The following REN variants were observed in gnomAD, a reference collection of about 807,000 sequenced individuals.
REN encodes the protein angiotensin-forming enzyme.
In REN, 42 loss-of-function variants were observed where a neutral mutation model predicts 48.6. That is an observed-to-expected ratio of 0.86 (90% confidence interval 0.68 to 1.12). The LOEUF (loss-of-function observed/expected upper bound fraction) is 1.12, where lower values mean the gene tolerates loss of function less well. Ranked by LOEUF, REN falls within the 50% of genes most tolerant of loss-of-function variation. REN has a pLI of 0.00. For missense variants in REN, 443 were observed against 527.3 expected, an observed-to-expected ratio of 0.84 and a Z score of 1.57; for synonymous variants, 196 against 204.6, an observed-to-expected ratio of 0.96 and a Z score of 0.36.
rs1173946474 is a variant in REN at position 204,156,021 on chromosome 1, G to A, written c.961-103C>T. On this transcript the variant is annotated intron_variant, in intron 8 of 9. Transcript: ENST00000272190. This position sits in a 1 kb window ranked among gnomAD's most constrained non-coding sequence, Gnocchi z 4.2. ...GGTCTCTCTGCTGGAGAGGGCTGGG[G>A]ACAGTGCCCCGCCCCATGGGTGACC... The A allele has an allele frequency of 1.4e-6, 2 of 1,423,874 alleles. No individual in the cohort carries two copies. Among genetic ancestry groups the A allele is most frequent in the Non-Finnish European group, 9.9e-7 (1 of 1,010,852 alleles). 88.2% of individuals were successfully genotyped at this position (1,423,874 alleles called of 1,614,324 possible).
rs141778396 is a variant in REN, at chr1:204,159,789, G to A, written c.493-194C>T. 1.8e-4 allele frequency among the ~76,000 whole-genome samples: 28 copies of A among 152,316 alleles called. No individual in the cohort carries two copies. In the East Asian group the frequency reaches 5.4e-3, roughly 29 times the overall value. ...ATCTCTGCTGCGGAGCCCAGAGAGA[G>A]CTAGAGTTGACCAGGGATCGGAGAG... On this transcript the variant is annotated intron_variant, in intron 4 of 9. Coordinates refer to ENST00000272190, the MANE Select transcript of REN (RefSeq NM_000537.4).
chr1:204,160,542 T>C lies in REN; in HGVS notation c.492+18A>G. On this transcript the variant is annotated intron_variant, in intron 4 of 9. Transcript: ENST00000272190. ...CAGAAGGGGTCCGGGGCAGATGACCTAGGGCGGCCCAACTTACGGTGATGA... is the reference window on the plus strand; with the variant it reads ...CAGAAGGGGTCCGGGGCAGATGACCCAGGGCGGCCCAACTTACGGTGATGA... 1.3e-6 allele frequency: 2 copies of C among 1,565,640 alleles called. No individual in the cohort carries two copies. Among genetic ancestry groups the C allele is most frequent in the Non-Finnish European group, 1.8e-6 (2 of 1,135,812 alleles).
Position 204,158,840 on chromosome 1 carries a change from T to C in REN, c.689+559A>G, listed in dbSNP as rs184621047. On this transcript the variant is annotated intron_variant, in intron 5 of 9. Transcript: ENST00000272190. ...GGGTAGGGGAGTACAGATTCTGCCT[T>C]GTTCACTGTGTTCACTGCTGCACCC... Among the ~76,000 whole-genome samples, 16 of 152,346 alleles carry C rather than the reference T, an allele frequency of 1.1e-4. No homozygotes were observed. The East Asian group carries it at 2.9e-3, about 28-fold the overall frequency.
In REN at chr1:204,156,285, C is replaced by A; in HGVS notation, c.853G>T (p.Asp285Tyr). 1 of 1,614,200 alleles carries A rather than the reference C, an allele frequency of 6.2e-7. No homozygotes were observed. Among genetic ancestry groups the A allele is most frequent in the Non-Finnish European group, 8.5e-7 (1 of 1,180,048 alleles). The change falls in exon 8 of 10, where the codon GAC (aspartate) becomes TAC (tyrosine). Residue 285 changes from aspartate to tyrosine, a missense_variant. By Grantham distance (160) the Asp-to-Tyr change is radical. Transcript: ENST00000272190. The surrounding 1 kb of genome is among the most constrained non-coding windows in gnomAD (Gnocchi z 4.2). ...SVGSSTLLCE[D>Y]GCLALVDTGA... The stretch of plus-strand genomic sequence containing the variant: ...GTGTCTACCAATGCCAGGCAGCCGT[C>A]TTCACAGAGCAAGGTGGATGACCCC...
chr1:204,156,424 G>T lies in REN; in HGVS notation c.819-105C>A. The T allele has an allele frequency of 2.0e-6, 3 of 1,469,854 alleles. No homozygotes were observed. Among genetic ancestry groups the T allele is most frequent in the Non-Finnish European group, 2.8e-6 (3 of 1,073,688 alleles). 91.1% of individuals were successfully genotyped at this position (1,469,854 alleles called of 1,614,324 possible). A position where few individuals can be genotyped will look rare whatever the true frequency, so the allele number is the denominator to read the frequency against. On this transcript the variant is annotated intron_variant, in intron 7 of 9. Coordinates refer to ENST00000272190, the MANE Select transcript of REN (RefSeq NM_000537.4). The surrounding 1 kb of genome is among the most constrained non-coding windows in gnomAD (Gnocchi z 4.2). ...CCTGAGTGTGGGTGGGTGGGTGGAGGCCACGCTGGTGGCCTGTTGAGGCAG... is the reference window on the plus strand; with the variant it reads ...CCTGAGTGTGGGTGGGTGGGTGGAGTCCACGCTGGTGGCCTGTTGAGGCAG...
chr1:204,157,278 G>A, intron 6 of REN, 83 bp downstream of exon 6: 1 of 1,571,490 alleles, frequency 6.4e-7, no homozygotes, highest in Non-Finnish European at 8.8e-7. Context: ...TGTGAGTTTT[G>A]GGCCGGTGGC....
intron 1 of REN, among the ~76,000 whole-genome samples, chr1:204,165,927 A>G (rs549071463): frequency 6.6e-6 from 1 of 152,240 alleles, no homozygotes; most frequent in South Asian, 2.1e-4. Context: ...GAGCTCCTCA[A>G]GTGCAAGGGG....
chr1:204,160,533 C>T, intron 4 of REN, 27 bp downstream of exon 4: 2 of 1,490,746 alleles, frequency 1.3e-6, no homozygotes, highest in Non-Finnish European at 1.9e-6. Flanking sequence ...GGGTCCGGGG[C>T]AGATGACCTA....
Position 204,166,286 on chromosome 1 carries a change from C to T in REN, c.8G>A (p.Gly3Glu), listed in dbSNP as rs769289753. The stretch of plus-strand genomic sequence containing the variant: ...TCCCCAGCGAGGCATCCTTCTCCAT[C>T]CATCCATGCTTCCCTCAGTCTGGGG... The part of the protein sequence containing the change: MD[G>E]WRRMPRWGLL... The change falls in exon 1 of 10, where the codon GGA becomes GAA. Residue 3 changes from glycine (G) to glutamate (E), a missense_variant. Physicochemically the swap from Gly to Glu is moderately conservative, Grantham distance 98. Transcript: ENST00000272190. The T allele has an allele frequency of 3.5e-5, 56 of 1,614,098 alleles. No homozygotes were observed. Among genetic ancestry groups the T allele is most frequent in the Non-Finnish European group, 4.7e-5 (56 of 1,180,024 alleles).
intron 1 of REN, among the ~76,000 whole-genome samples, chr1:204,163,927 C>CAT (rs1252222701): frequency 3.3e-5 from 5 of 152,200 alleles, no homozygotes; most frequent in Non-Finnish European, 7.3e-5. Flanking sequence ...CAGATGAAAC[C>CAT]ATGCGACCAC....
rs1558243979 is a variant in REN, at chr1:204,157,405, ATTT to A, written c.690-39_690-37del. ...AGAGAGACAGCAGAAAGGAAGCTTC[ATTT>A]CATGCCAGCCTCATCAGCCCTGCTG... On this transcript the variant is annotated intron_variant, in intron 5 of 9. Coordinates refer to ENST00000272190, the MANE Select transcript of REN (RefSeq NM_000537.4). 1.9e-6 allele frequency: 3 copies of A among 1,614,052 alleles called. No homozygotes were observed. The Admixed American group carries it at 5.0e-5, about 27-fold the overall frequency.
At chr1:204,159,218 C>A in intron 5 of REN, 181 bp downstream of exon 5, 1 of 692,868 alleles carries the variant, frequency 1.4e-6, no homozygotes, top group Non-Finnish European at 2.6e-6. Context: ...TGATGCTTAA[C>A]TGTATTTAAT....
intron 1 of REN, among the ~76,000 whole-genome samples, chr1:204,165,373 C>A (rs777412764): frequency 2.6e-5 from 4 of 152,190 alleles, no homozygotes; most frequent in Admixed American, 1.3e-4. Context: ...CTAAAATCCC[C>A]AAAGCAGCCC....
intron 3 of REN, 43 bp from the exon 4 acceptor site, chr1:204,160,721 A>C (rs1571647896): frequency 7.1e-7 from 1 of 1,404,586 alleles, no homozygotes; most frequent in Non-Finnish European, 1.0e-6. Context: ...AGAGTGGCCC[A>C]GACAGGGGGA....
Position 204,155,163 on chromosome 1 carries a change from A to C in REN, c.1074T>G (p.Ser358Arg). ...GGATGGCCAGTGTGCACAGCTTTTT[A>C]CTACTGTAGGATTCCTGGCAGGAAG... ...ADYVFQESYS[S>R]KKLCTLAIHA... Residue 358 changes from serine to arginine, a missense_variant, in exon 10 of 10, where the codon AGT (serine) becomes AGG (arginine). By Grantham distance (110) the Ser-to-Arg change is moderately radical. Coordinates refer to ENST00000272190, the MANE Select transcript of REN (RefSeq NM_000537.4). 6.2e-7 allele frequency: 1 copy of C among 1,614,108 alleles called. No homozygotes were observed. The highest frequency in any genetic ancestry group is 8.5e-7 in the Non-Finnish European group (1 of 1,179,982).
intron 8 of REN, 35 bp from the exon 9 acceptor site, chr1:204,155,953 T>C (rs999167595): frequency 5.1e-6 from 8 of 1,568,058 alleles, no homozygotes; most frequent in African/African-American, 2.7e-5. Context: ...TTCTTGAGTA[T>C]GGAAGACGTC....
chr1:204,157,263 G>A lies in REN; in HGVS notation c.698+98C>T. On this transcript the variant is annotated intron_variant, in intron 6 of 9. Transcript: ENST00000272190. ...TCGGCATCTAGCGGAGGCTGGGCTT[G>A]CTGATGTGAGTTTTGGGCCGGTGGC... 2.7e-6 allele frequency: 4 copies of A among 1,506,070 alleles called. No homozygotes were observed. The South Asian group carries it at 4.5e-5, about 17-fold the overall frequency. The allele number at this position is 1,506,070 out of a possible 1,614,324, so 93.3% of individuals were successfully genotyped here.
Position 204,159,709 on chromosome 1 carries a change from A to G in REN, c.493-114T>C, listed in dbSNP as rs11571116. 5.7e-3 allele frequency: 5,028 copies of G among 885,916 alleles called. 160 individuals are homozygous for G. In the African/African-American group the frequency reaches 0.072, roughly 13 times the overall value. The allele number at this position is 885,916 out of a possible 1,614,324, so 54.9% of individuals were successfully genotyped here. A position where few individuals can be genotyped will look rare whatever the true frequency, so the allele number is the denominator to read the frequency against. ...GGCACACATGCTCCAGGGTACAGAA[A>G]TCGGGGTAAGAGTATTTCCTCAACC... On this transcript the variant is annotated intron_variant, in intron 4 of 9. Coordinates refer to ENST00000272190, the MANE Select transcript of REN (RefSeq NM_000537.4).
In REN at chr1:204,156,227, G is replaced by A. The variant is rs1207171046; in HGVS notation, c.911C>T (p.Ser304Phe). The change falls in exon 8 of 10, where the codon TCC becomes TTC. Residue 304 changes from serine (S) to phenylalanine (F), a missense_variant. Transcript: ENST00000272190. The surrounding 1 kb of genome is among the most constrained non-coding windows in gnomAD (Gnocchi z 4.2). ...CAAGGCCTCCATGAGCTTCTCTATG[G>A]AGCTGGTAGAACCTGAGATGTAGGA... ...GASYISGSTS[S>F]IEKLMEALGA... The A allele has an allele frequency of 1.2e-6, 2 of 1,614,190 alleles. No homozygotes were observed. The highest frequency in any genetic ancestry group is 1.7e-6 in the Non-Finnish European group (2 of 1,180,046).
Sources: gnomAD v4.1 joint callset for allele counts (sites outside exome capture counted in the v4.1 genomes callset) on GRCh38, gnomAD v4.1.1 for gene constraint, Gnocchi (gnomAD v3.1) non-coding constraint, MANE v1.5 for transcripts, NCBI Gene and HGNC (gene_info 2026-07-23, HGNC 2026-07-21) for gene names.